The following CHCHD3 variants were observed in gnomAD, a reference collection of about 807,000 sequenced individuals.
The protein encoded by CHCHD3 is MICOS complex subunit MIC19.
A neutral mutation model predicts 38.2 loss-of-function variants in CHCHD3; 20 were observed. The ratio of observed to expected loss-of-function variants is 0.52; its 90% confidence interval spans 0.37 to 0.76. The LOEUF (loss-of-function observed/expected upper bound fraction) is 0.76, where lower values mean the gene tolerates loss of function less well. Among genes scored for constraint, CHCHD3 ranks in the 30% least tolerant of loss-of-function variants. The pLI, the probability that CHCHD3 is intolerant of heterozygous loss-of-function variation, is 0.00. For synonymous variants in CHCHD3, 82 were observed against 100.0 expected, an observed-to-expected ratio of 0.82 and a Z score of 1.07; for missense variants, 245 against 279.2, an observed-to-expected ratio of 0.88 and a Z score of 0.87.
chr7:133,034,456 A>T (rs10488217), intron 2 of CHCHD3: 112,742 of 711,222 alleles, frequency 0.16, 10,768 homozygotes, highest in Non-Finnish European at 0.18. Context: ...TGATACTTTT[A>T]AAAAAATGCA....
chr7:132,860,489 C>T (rs1424582354), intron 5 of CHCHD3, among the ~76,000 whole-genome samples: 1 of 152,106 alleles, frequency 6.6e-6, no homozygotes, highest in Non-Finnish European at 1.5e-5. Flanking sequence ...ATATCCAGTC[C>T]AGCACATCAG....
intron 1 of CHCHD3, 23 bp from the exon 2 acceptor site, chr7:133,070,252 A>C (rs1814781581): frequency 6.3e-7 from 1 of 1,597,192 alleles, no homozygotes; most frequent in Non-Finnish European, 8.6e-7. Context: ...CATCAAAATA[A>C]AATCAATTAT....
chr7:132,981,554 T>C (rs1240409018), intron 3 of CHCHD3, among the ~76,000 whole-genome samples: 2 of 152,354 alleles, frequency 1.3e-5, no homozygotes, highest in Non-Finnish European at 2.9e-5. Flanking sequence ...AGTCAGAGTT[T>C]GCCAGAGTCT....
chr7:132,789,042 C>A lies in CHCHD3; in HGVS notation c.661-3382G>T, dbSNP rs1452547995. Among the ~76,000 whole-genome samples the A allele has an allele frequency of 3.9e-5, 6 of 152,272 alleles. No individual in the cohort carries two copies. The South Asian group carries it at 8.3e-4, about 21-fold the overall frequency. ...CGACAAAACCTGCTCCAACTCAGAACTCAGGGCTTTTGGCTGGAGGGATCC... is the reference window on the plus strand; with the variant it reads ...CGACAAAACCTGCTCCAACTCAGAAATCAGGGCTTTTGGCTGGAGGGATCC... On this transcript the variant is annotated intron_variant, in intron 7 of 7. Transcript: ENST00000262570.
At chr7:132,883,681 G>A (rs1809131183) in intron 5 of CHCHD3, among the ~76,000 whole-genome samples, 1 of 152,152 alleles carries the variant, frequency 6.6e-6, no homozygotes, top group African/African-American at 2.4e-5. Flanking sequence ...CATTACAAAG[G>A]CAGAGGTGGG....
chr7:132,961,791 A>C (rs1390864027), intron 4 of CHCHD3, among the ~76,000 whole-genome samples: 2 of 152,212 alleles, frequency 1.3e-5, no homozygotes, highest in Admixed American at 1.3e-4. Flanking sequence ...CACTTCTCCC[A>C]GTCCCCTGCC....
intron 4 of CHCHD3, among the ~76,000 whole-genome samples, chr7:132,893,969 T>C (rs1809432684): frequency 6.6e-6 from 1 of 152,244 alleles, no homozygotes. Context: ...CAAAAGTATA[T>C]CTGCTATTCT....
chr7:132,935,464 T>C (rs1422973291), intron 4 of CHCHD3, among the ~76,000 whole-genome samples: 1 of 152,216 alleles, frequency 6.6e-6, no homozygotes, highest in Non-Finnish European at 1.5e-5. Context: ...TATGTATGAA[T>C]TAAAATCTGT....
At chr7:132,961,617 C>T (rs1013087183) in intron 4 of CHCHD3, among the ~76,000 whole-genome samples, 12 of 152,174 alleles carry the variant, frequency 7.9e-5, no homozygotes, top group Non-Finnish European at 1.6e-4. Context: ...TGCATGCGTG[C>T]GGTTAAGAAC....
intron 2 of CHCHD3, among the ~76,000 whole-genome samples, chr7:133,046,574 G>A (rs1037753554): frequency 3.4e-4 from 12 of 34,962 alleles, no homozygotes; most frequent in South Asian, 1.6e-3. Flanking sequence ...TTTTTTTGGG[G>A]GGGGGAGACG....
intron 4 of CHCHD3, among the ~76,000 whole-genome samples, chr7:132,894,097 G>T (rs945163061): frequency 1.3e-5 from 2 of 152,302 alleles, no homozygotes; most frequent in Admixed American, 6.5e-5. Context: ...AAGTGATCTG[G>T]TGGTGTTTTG....
chr7:132,837,742 A>G (rs1472640030), intron 6 of CHCHD3, among the ~76,000 whole-genome samples: 1 of 152,236 alleles, frequency 6.6e-6, no homozygotes, highest in Non-Finnish European at 1.5e-5. Flanking sequence ...AGGTTACACA[A>G]TAGGACTATT....
At chr7:132,912,031 A>C (rs1809964982) in intron 4 of CHCHD3, among the ~76,000 whole-genome samples, 2 of 152,224 alleles carry the variant, frequency 1.3e-5, no homozygotes. Context: ...CGGCCAAACC[A>C]GAAAGCTGCC....
At chr7:133,022,174 G>A (rs936667555) in intron 3 of CHCHD3, among the ~76,000 whole-genome samples, 15 of 151,998 alleles carry the variant, frequency 9.9e-5, no homozygotes, top group African/African-American at 2.9e-4. Flanking sequence ...TATCACAATC[G>A]AAATTAATTA....
At chr7:132,914,998 C>T (rs904320891) in intron 4 of CHCHD3, among the ~76,000 whole-genome samples, 1 of 151,884 alleles carries the variant, frequency 6.6e-6, no homozygotes, top group Admixed American at 6.6e-5. Flanking sequence ...CCTGTCTCTA[C>T]CAAAAATACA....
intron 3 of CHCHD3, among the ~76,000 whole-genome samples, chr7:132,978,833 GAAT>G (rs1256405577): frequency 6.6e-6 from 1 of 152,124 alleles, no homozygotes; most frequent in Non-Finnish European, 1.5e-5. Context: ...TGACTAAAAA[GAAT>G]ATTATTTTCC....
chr7:132,938,992 AAACAATAACCGAAT>A (rs1810698330), intron 4 of CHCHD3, among the ~76,000 whole-genome samples: 1 of 152,220 alleles, frequency 6.6e-6, no homozygotes, highest in South Asian at 2.1e-4. Context: ...GGTGGAGGGA[AAACAATAACCGAAT>A]GTACTGGCCC....
intron 6 of CHCHD3, among the ~76,000 whole-genome samples, chr7:132,833,777 A>C (rs748133580): frequency 6.6e-6 from 1 of 152,242 alleles, no homozygotes; most frequent in Admixed American, 6.5e-5. Flanking sequence ...TCGATTAGCT[A>C]TCCTGGTAGG....
At chr7:132,950,277 A>C (rs185951892) in intron 4 of CHCHD3, among the ~76,000 whole-genome samples, 11 of 152,270 alleles carry the variant, frequency 7.2e-5, no homozygotes, top group Admixed American at 5.9e-4. Context: ...CAATATACCC[A>C]CATAACAAAC....
Sources: allele counts gnomAD v4.1 joint callset (sites outside exome capture counted in the v4.1 genomes callset), GRCh38; gene constraint gnomAD v4.1.1; transcripts MANE v1.5; gene names NCBI Gene and HGNC (gene_info 2026-07-23, HGNC 2026-07-21).